Variants in OTOGL observed in about 807,000 individuals in gnomAD.
The protein encoded by OTOGL is otogelin like.
In OTOGL, 285 loss-of-function variants were observed where a neutral mutation model predicts 318.5. That is an observed-to-expected ratio of 0.89 (90% CI 0.81 to 0.99). OTOGL has a LOEUF of 0.99. Among genes scored for constraint, OTOGL ranks in the 50% least tolerant of loss-of-function variants. OTOGL has a pLI of 0.00. For missense variants in OTOGL, 2,899 were observed against 2,845.6 expected, an observed-to-expected ratio of 1.02 and a Z score of -0.43; for synonymous variants, 987 against 936.5, an observed-to-expected ratio of 1.05 and a Z score of -0.99.
At chr12:80,205,654 T>C (rs1876760814) in intron 1 of OTOGL, among the ~76,000 whole-genome samples, 1 of 152,214 alleles carries the variant, frequency 6.6e-6, no homozygotes, top group African/African-American at 2.4e-5. Context: ...GCTCAAATGA[T>C]AACATAAATT....
rs1174453160 is a variant in OTOGL, at chr12:80,251,683, C to T, written c.1053-10C>T. On this transcript the variant is annotated splice_polypyrimidine_tract_variant and intron_variant, in intron 11 of 58. Transcript: ENST00000547103. The stretch of plus-strand genomic sequence containing the variant: ...CTATGTGATTCTGGCTCTGTCTTTT[C>T]ACTTTCTAGAACTGATGATGATGAA... 2 of 1,569,344 alleles carry T rather than the reference C, an allele frequency of 1.3e-6. No individual in the cohort carries two copies. The highest frequency in any genetic ancestry group is 2.7e-5 in the African/African-American group (2 of 74,100).
chr12:80,335,112 G>A (rs1161247636), intron 38 of OTOGL, among the ~76,000 whole-genome samples: 1 of 152,056 alleles, frequency 6.6e-6, no homozygotes, highest in Non-Finnish European at 1.5e-5. Context: ...TTAGTGTATG[G>A]TATGTAATAG....
chr12:80,189,659 A>G (rs1020152662), intron 1 of OTOGL, among the ~76,000 whole-genome samples: 1 of 152,216 alleles, frequency 6.6e-6, no homozygotes, highest in South Asian at 2.1e-4. Context: ...CATACCTAGA[A>G]AGTAGAATTT....
chr12:80,141,270 T>C (rs1373174613), intron 1 of OTOGL, among the ~76,000 whole-genome samples: 1 of 152,146 alleles, frequency 6.6e-6, no homozygotes, highest in Non-Finnish European at 1.5e-5. Flanking sequence ...GTTTTTCTTA[T>C]CTTTTAGCCT....
intron 57 of OTOGL, among the ~76,000 whole-genome samples, chr12:80,373,010 G>A (rs1422113829): frequency 6.6e-6 from 1 of 152,034 alleles, no homozygotes; most frequent in Non-Finnish European, 1.5e-5. Context: ...ATAGAATAGA[G>A]TGTTTTCCAT....
chr12:80,263,658 AC>A (rs1882722584), intron 19 of OTOGL, among the ~76,000 whole-genome samples: 3 of 152,032 alleles, frequency 2.0e-5, no homozygotes, highest in Non-Finnish European at 2.9e-5. Context: ...TTTGATATTA[AC>A]TTTTTTTTAG....
intron 26 of OTOGL, among the ~76,000 whole-genome samples, chr12:80,280,187 T>C (rs1348172720): frequency 1.3e-5 from 2 of 151,894 alleles, no homozygotes; most frequent in Non-Finnish European, 2.9e-5. Flanking sequence ...TTGTAGATTC[T>C]GGTTATTAGG....
chr12:80,232,078 T>C (rs897312106), intron 8 of OTOGL, among the ~76,000 whole-genome samples: 4 of 152,262 alleles, frequency 2.6e-5, no homozygotes, highest in African/African-American at 9.6e-5. Flanking sequence ...TTCAATTGTT[T>C]AGTTCTCTTC....
chr12:80,253,608 G>C (rs1331486688), intron 14 of OTOGL, 34 bp downstream of exon 14: 2 of 1,513,974 alleles, frequency 1.3e-6, no homozygotes, highest in Admixed American at 3.4e-5. Flanking sequence ...TTATTTCTGG[G>C]TACTTGGCTA....
In OTOGL at chr12:80,285,990, A is replaced by G. The variant is rs982274457; in HGVS notation, c.2928+6824A>G. Among the ~76,000 whole-genome samples, 7 of 152,174 alleles carry G rather than the reference A, an allele frequency of 4.6e-5. 1 individual carries two copies. Among genetic ancestry groups the G allele is most frequent in the Admixed American group, 4.6e-4 (7 of 15,284 alleles). On this transcript the variant is annotated intron_variant, in intron 26 of 58. Coordinates refer to ENST00000547103, the MANE Select transcript of OTOGL (RefSeq NM_001378609.3). ...TGCTTCCAGTTTTTGCCCATTCAGTATGATATTGGCTATGGGTTTGTCATA... is the reference window on the plus strand; with the variant it reads ...TGCTTCCAGTTTTTGCCCATTCAGTGTGATATTGGCTATGGGTTTGTCATA...
chr12:80,332,870 C>T, intron 37 of OTOGL, 135 bp from the exon 38 acceptor site: 1 of 677,982 alleles, frequency 1.5e-6, no homozygotes, highest in East Asian at 3.0e-5. Flanking sequence ...CTATTATTAC[C>T]AACATCACAG....
intron 34 of OTOGL, among the ~76,000 whole-genome samples, chr12:80,323,262 C>T (rs1887463839): frequency 6.6e-6 from 1 of 152,068 alleles, no homozygotes; most frequent in African/African-American, 2.4e-5. Flanking sequence ...GCTTTGGTCA[C>T]CAAGCAATTA....
chr12:80,344,632 A>G (rs1181932622), intron 44 of OTOGL, among the ~76,000 whole-genome samples: 1 of 152,186 alleles, frequency 6.6e-6, no homozygotes, highest in Non-Finnish European at 1.5e-5. Flanking sequence ...AACTATTCCT[A>G]TGGTAACATC....
chr12:80,348,683 C>T (rs1032376120), intron 44 of OTOGL, among the ~76,000 whole-genome samples: 5 of 152,146 alleles, frequency 3.3e-5, no homozygotes, highest in Non-Finnish European at 5.9e-5. Context: ...CTGTCAATGT[C>T]CTCTATAATC....
At chr12:80,207,079 A>G (rs1275431153) in intron 1 of OTOGL, among the ~76,000 whole-genome samples, 1 of 135,836 alleles carries the variant, frequency 7.4e-6, no homozygotes, top group Non-Finnish European at 1.7e-5. Flanking sequence ...ATTGCTGCTT[A>G]CTAACTTTTT....
chr12:80,136,942 A>G (rs973999424), intron 1 of OTOGL, among the ~76,000 whole-genome samples: 1 of 152,094 alleles, frequency 6.6e-6, no homozygotes, highest in Non-Finnish European at 1.5e-5. Flanking sequence ...TTGCTATGGT[A>G]TTCCCCATAA....
rs1253264001 is a variant in OTOGL, at chr12:80,358,692, C to T, written c.6143C>T (p.Pro2048Leu). 2.5e-6 allele frequency: 4 copies of T among 1,612,466 alleles called. No homozygotes were observed. In the Admixed American group the frequency reaches 5.0e-5, roughly 20 times the overall value. ...YYCVCEPNLCPMPLLNCAEDM... is the reference protein window; with the variant it reads ...YYCVCEPNLCLMPLLNCAEDM... Reference sequence around the variant, plus strand: ...TTAGTATGTGAACCAAACCTTTGTCCTATGCCATTACTCAACTGTGCAGAA... The same window carrying T: ...TTAGTATGTGAACCAAACCTTTGTCTTATGCCATTACTCAACTGTGCAGAA... The change falls in exon 51 of 59, where the codon CCT (proline) becomes CTT (leucine). Residue 2048 changes from proline to leucine, a missense_variant. Transcript: ENST00000547103.
intron 9 of OTOGL, among the ~76,000 whole-genome samples, chr12:80,234,038 C>T (rs1452057153): frequency 6.6e-6 from 1 of 152,088 alleles, no homozygotes; most frequent in Non-Finnish European, 1.5e-5. Flanking sequence ...TTTCTTTCCT[C>T]TCCTTTCCTC....
chr12:80,347,566 A>G (rs1398666929), intron 44 of OTOGL, among the ~76,000 whole-genome samples: 1 of 152,016 alleles, frequency 6.6e-6, no homozygotes, highest in Non-Finnish European at 1.5e-5. Context: ...GTTGGTTCCA[A>G]GTCTTTGCTA....
Sources: gnomAD v4.1 joint callset for allele counts (sites outside exome capture counted in the v4.1 genomes callset) on GRCh38, gnomAD v4.1.1 for gene constraint, MANE v1.5 for transcripts, NCBI Gene and HGNC (gene_info 2026-07-23, HGNC 2026-07-21) for gene names.